Variants in VWA3A observed in about 807,000 individuals in gnomAD.
The protein encoded by VWA3A is von Willebrand factor A domain containing 3A.
A neutral mutation model predicts 160.4 loss-of-function variants in VWA3A; 134 were observed. The observed-to-expected ratio is 0.84, with a 90% confidence interval of 0.73 to 0.96. The LOEUF (loss-of-function observed/expected upper bound fraction) is 0.96, where lower values mean the gene tolerates loss of function less well. Ranked by LOEUF, VWA3A falls within the 40% of genes least tolerant of loss-of-function variation. The pLI, the probability that VWA3A is intolerant of heterozygous loss-of-function variation, is 0.00. For missense variants in VWA3A, 1,310 were observed against 1,447.9 expected (o/e 0.90, Z 1.55); for synonymous variants, 476 against 543.4 (o/e 0.88, Z 1.72).
rs941554793 is a variant in VWA3A at position 22,131,597 on chromosome 16, C to T, written c.1740C>T (p.Asn580=). ...TCTGCCTCCGCAGGTGGGCCCTGAACCTGCGGTGTCGGGGCAGCAGGAACG... is the reference window on the plus strand; with the variant it reads ...TCTGCCTCCGCAGGTGGGCCCTGAATCTGCGGTGTCGGGGCAGCAGGAACG... ...NLQSAWRWAL[N]LRCRGSRNVL... The change falls in exon 19 of 34, where the codon AAC becomes AAT. Residue 580 remains asparagine, a synonymous_variant. Coordinates refer to ENST00000389398, the MANE Select transcript of VWA3A (RefSeq NM_173615.5). 6.2e-7 allele frequency: 1 copy of T among 1,612,954 alleles called. No homozygotes were observed. The highest frequency in any genetic ancestry group is 8.5e-7 in the Non-Finnish European group (1 of 1,179,354).
At chr16:22,138,183 G>C (rs2046078205) in intron 21 of VWA3A, among the ~76,000 whole-genome samples, 177 bp from the exon 22 acceptor site, 1 of 151,634 alleles carries the variant, frequency 6.6e-6, no homozygotes, top group African/African-American at 2.4e-5. Context: ...TGGTCTTACT[G>C]TTGTTCATAG....
intron 6 of VWA3A, among the ~76,000 whole-genome samples, chr16:22,107,292 T>C (rs2045495693): frequency 6.6e-6 from 1 of 152,146 alleles, no homozygotes; most frequent in South Asian, 2.1e-4. Flanking sequence ...GTTACCTACA[T>C]CTAGTTTATC....
chr16:22,127,785 A>G (rs1470593633), intron 17 of VWA3A, among the ~76,000 whole-genome samples: 3 of 152,178 alleles, frequency 2.0e-5, no homozygotes, highest in Non-Finnish European at 4.4e-5. Flanking sequence ...TCCTCGAGGA[A>G]CTCATGGCCT....
intron 28 of VWA3A, 47 bp downstream of exon 28, chr16:22,148,353 G>T: frequency 6.5e-7 from 1 of 1,545,558 alleles, no homozygotes; most frequent in East Asian, 2.4e-5. Flanking sequence ...CAGTTCCTGG[G>T]GCTTCCCTGG....
In VWA3A at chr16:22,131,295, A is replaced by C. The variant is rs2141957251; in HGVS notation, c.1727+16A>C. ...GTGCCTGGCGGTAGGTTATGGGCAG[A>C]GACTTCGTGGGGCTGTGTCTGAGGG... On this transcript the variant is annotated intron_variant, in intron 18 of 33. Coordinates refer to ENST00000389398, the MANE Select transcript of VWA3A (RefSeq NM_173615.5). The C allele has an allele frequency of 6.2e-7, 1 of 1,613,526 alleles. No homozygotes were observed. Among genetic ancestry groups the C allele is most frequent in the Non-Finnish European group, 8.5e-7 (1 of 1,179,692 alleles).
At chr16:22,129,220 T>G (rs552175929) in intron 17 of VWA3A, among the ~76,000 whole-genome samples, 9 of 151,454 alleles carry the variant, frequency 5.9e-5, no homozygotes, top group African/African-American at 9.7e-5. Flanking sequence ...AAACCCCATC[T>G]CTACTAAAAA....
Position 22,145,943 on chromosome 16 carries a change from C to T in VWA3A, c.2731-293C>T, listed in dbSNP as rs539629326. Among the ~76,000 whole-genome samples, 44 of 152,114 alleles carry T rather than the reference C, an allele frequency of 2.9e-4. 1 individual carries two copies. The South Asian group carries it at 6.7e-3, about 23-fold the overall frequency. On this transcript the variant is annotated intron_variant, in intron 26 of 33. Transcript: ENST00000389398. ...TCAGGCAATCCTCCCACCTCAGCCTCCCCCAAGCAGCTGGGACCACAGACA... is the reference window on the plus strand; with the variant it reads ...TCAGGCAATCCTCCCACCTCAGCCTTCCCCAAGCAGCTGGGACCACAGACA...
chr16:22,117,183 C>T lies in VWA3A; in HGVS notation c.990+7C>T. On this transcript the variant is annotated splice_region_variant and intron_variant, in intron 11 of 33. Transcript: ENST00000389398. The stretch of plus-strand genomic sequence containing the variant: ...CTACAGCCCAAAGATGGAGGTAAGC[C>T]CTTCTGTCAACACATGGCCCCTCTT... The T allele has an allele frequency of 6.4e-7, 1 of 1,573,972 alleles. No homozygotes were observed. The highest frequency in any genetic ancestry group is 8.6e-7 in the Non-Finnish European group (1 of 1,159,352).
intron 22 of VWA3A, among the ~76,000 whole-genome samples, chr16:22,139,786 C>T (rs569110290): frequency 1.1e-4 from 16 of 152,264 alleles, no homozygotes; most frequent in Admixed American, 2.0e-4. Flanking sequence ...GAGGCCCAGA[C>T]ATCCCAGTCC....
In VWA3A at chr16:22,145,025, G is replaced by A. The variant is rs774395057; in HGVS notation, c.2730+641G>A. Among the ~76,000 whole-genome samples the A allele has an allele frequency of 1.1e-4, 17 of 152,276 alleles. No homozygotes were observed. In the South Asian group the frequency reaches 2.5e-3, roughly 22 times the overall value. ...GTACCCCAATACTGATGATGGTTCTGTTATGGCAGCAAATAGGGGTTGTGA... is the reference window on the plus strand; with the variant it reads ...GTACCCCAATACTGATGATGGTTCTATTATGGCAGCAAATAGGGGTTGTGA... On this transcript the variant is annotated intron_variant, in intron 26 of 33. Coordinates refer to ENST00000389398, the MANE Select transcript of VWA3A (RefSeq NM_173615.5).
intron 12 of VWA3A, among the ~76,000 whole-genome samples, chr16:22,119,450 C>T (rs1181456760): frequency 2.6e-5 from 4 of 152,210 alleles, no homozygotes; most frequent in Admixed American, 6.5e-5. Flanking sequence ...GCCAGAGAAT[C>T]GCTTGAGTCC....
chr16:22,102,063 G>A (rs1468799981), intron 5 of VWA3A, among the ~76,000 whole-genome samples: 1 of 152,112 alleles, frequency 6.6e-6, no homozygotes, highest in East Asian at 1.9e-4. Context: ...TTATTATAAA[G>A]CTCATCTTCA....
At chr16:22,155,529 T>A (rs2046424951) in intron 31 of VWA3A, 38 bp from the exon 32 acceptor site, 4 of 1,586,876 alleles carry the variant, frequency 2.5e-6, no homozygotes, top group Admixed American at 3.3e-5. Context: ...TCAGCTCCCA[T>A]CCAGTCATAA....
intron 14 of VWA3A, among the ~76,000 whole-genome samples, chr16:22,122,025 C>T (rs2045744079): frequency 6.6e-6 from 1 of 152,144 alleles, no homozygotes; most frequent in Non-Finnish European, 1.5e-5. Flanking sequence ...AACTCTCTAT[C>T]CTCCATGTTT....
intron 20 of VWA3A, 67 bp from the exon 21 acceptor site, chr16:22,134,301 G>T: frequency 6.9e-7 from 1 of 1,439,866 alleles, no homozygotes; most frequent in Non-Finnish European, 9.5e-7. Context: ...CTAGTATCCA[G>T]ATGATGGGGA....
intron 16 of VWA3A, 85 bp downstream of exon 16, chr16:22,123,792 A>G (rs947514838): frequency 1.6e-6 from 2 of 1,275,172 alleles, no homozygotes; most frequent in Admixed American, 2.1e-5. Flanking sequence ...CCCTGTTGGT[A>G]GCATCAGAAG....
intron 6 of VWA3A, among the ~76,000 whole-genome samples, chr16:22,106,258 G>A (rs940657878): frequency 3.9e-5 from 6 of 152,046 alleles, no homozygotes; most frequent in South Asian, 2.1e-4. Context: ...GGTGATGGGC[G>A]CCTGTAATCC....
chr16:22,095,076 C>T (rs1277283508), intron 1 of VWA3A, among the ~76,000 whole-genome samples: 1 of 151,766 alleles, frequency 6.6e-6, no homozygotes, highest in Non-Finnish European at 1.5e-5. Flanking sequence ...ACATAACTTA[C>T]AGTGTAAGGG....
chr16:22,153,400 C>T (rs1164760476), intron 31 of VWA3A, among the ~76,000 whole-genome samples: 2 of 152,078 alleles, frequency 1.3e-5, no homozygotes, highest in Non-Finnish European at 2.9e-5. Flanking sequence ...AGCTAGAGCC[C>T]CAAGACACCC....
Sources: allele counts gnomAD v4.1 joint callset (sites outside exome capture counted in the v4.1 genomes callset), GRCh38; gene constraint gnomAD v4.1.1; transcripts MANE v1.5; gene names NCBI Gene and HGNC (gene_info 2026-07-23, HGNC 2026-07-21).